Variants in AFTPH observed in about 807,000 individuals in gnomAD.
AFTPH encodes aftiphilin protein.
Under a neutral mutation model 72.5 loss-of-function variants are expected in AFTPH, and 7 were observed. The observed-to-expected ratio is 0.10, with a 90% CI of 0.05 to 0.18. AFTPH has a LOEUF of 0.18. AFTPH is among the 10% of genes least tolerant of loss of function. The pLI is 1.00. For synonymous variants in AFTPH, 337 were observed against 370.1 expected, an observed-to-expected ratio of 0.91 and a Z score of 1.03; for missense variants, 979 against 1,060.5, an observed-to-expected ratio of 0.92 and a Z score of 1.07.
At chr2:64,538,681 A>C (rs1670022119) in intron 1 of AFTPH, among the ~76,000 whole-genome samples, 1 of 152,210 alleles carries the variant, frequency 6.6e-6, no homozygotes, top group Non-Finnish European at 1.5e-5. Context: ...AAACAAATTA[A>C]AGTAAAATTA....
intron 8 of AFTPH, 54 bp downstream of exon 9, chr2:64,585,599 C>A: frequency 1.3e-6 from 2 of 1,544,228 alleles, no homozygotes; most frequent in Non-Finnish European, 1.7e-6. Flanking sequence ...ATAAAACGAC[C>A]CAAAGGAAAA....
exon 2 of AFTPH, chr2:64,553,028 T>C: frequency 6.2e-7 from 1 of 1,614,122 alleles, no homozygotes; most frequent in East Asian, 2.2e-5. Flanking sequence ...GAAAATCTAG[T>C]GGAACAGGCA....
chr2:64,540,470 A>G (rs1670174146), intron 1 of AFTPH, among the ~76,000 whole-genome samples: 1 of 152,184 alleles, frequency 6.6e-6, no homozygotes, highest in Non-Finnish European at 1.5e-5. Context: ...GAAACTATCC[A>G]AATGCAAATA....
At chr2:64,531,909 A>C (rs1300956667) in intron 1 of AFTPH, among the ~76,000 whole-genome samples, 1 of 152,218 alleles carries the variant, frequency 6.6e-6, no homozygotes, top group Non-Finnish European at 1.5e-5. Flanking sequence ...GAAAAAATAT[A>C]AGATTAACTT....
chr2:64,590,013 G>T (rs1466646936), intron 8 of AFTPH, among the ~76,000 whole-genome samples: 2 of 148,766 alleles, frequency 1.3e-5, no homozygotes, highest in East Asian at 2.0e-4. Flanking sequence ...CTCTAAAATT[G>T]ACCTAGTCTT....
At chr2:64,576,077 AC>A (rs1672766825) in intron 6 of AFTPH, among the ~76,000 whole-genome samples, 2 of 36,144 alleles carry the variant, frequency 5.5e-5, no homozygotes, top group Non-Finnish European at 8.5e-5. Context: ...GGCATGCTAC[AC>A]ACACACACAC....
intron 1 of AFTPH, among the ~76,000 whole-genome samples, chr2:64,529,692 T>C (rs1247387403): frequency 6.8e-6 from 1 of 148,138 alleles, no homozygotes; most frequent in Non-Finnish European, 1.5e-5. Context: ...TACAGTGGAG[T>C]GATCATGGCT....
In AFTPH at chr2:64,524,425, A is replaced by T. The variant is rs1208920584; in HGVS notation, c.-220A>T. ...GCGGAAGAGGGCGGAGGGTAGTGGG[A>T]TGGGGGTCCCGCGGCAGCGGTGAAA... On this transcript the variant is annotated 5_prime_UTR_variant, in exon 1 of 9. An upstream start codon of the reference 5' UTR is lost. Coordinates refer to ENST00000238856, the Ensembl canonical transcript of AFTPH. The T allele has an allele frequency of 1.5e-5, 6 of 403,948 alleles. 1 individual carries two copies. Among genetic ancestry groups the T allele is most frequent in the Non-Finnish European group, 2.6e-5 (6 of 229,570 alleles). 25.0% of individuals were successfully genotyped at this position (403,948 alleles called of 1,614,324 possible). A position where few individuals can be genotyped will look rare whatever the true frequency, so the allele number is the denominator to read the frequency against.
chr2:64,559,085 C>T (rs759675435), intron 2 of AFTPH, among the ~76,000 whole-genome samples: 21 of 152,190 alleles, frequency 1.4e-4, no homozygotes, highest in Non-Finnish European at 4.4e-5. Flanking sequence ...ATTCAAGGAC[C>T]TGCTGTCCTT....
chr2:64,590,743 A>C (rs1051428745), intron 8 of AFTPH, among the ~76,000 whole-genome samples: 1 of 152,200 alleles, frequency 6.6e-6, no homozygotes, highest in African/African-American at 2.4e-5. Context: ...TTTAGTCCTA[A>C]AAGTCGTTGG....
intron 1 of AFTPH, among the ~76,000 whole-genome samples, chr2:64,535,633 C>G (rs933275827): frequency 2.0e-5 from 3 of 152,176 alleles, no homozygotes; most frequent in African/African-American, 7.2e-5. Flanking sequence ...TGCACAGTAC[C>G]TATCACATAG....
At chr2:64,575,240 A>C (rs1273581434) in intron 6 of AFTPH, among the ~76,000 whole-genome samples, 1 of 152,218 alleles carries the variant, frequency 6.6e-6, no homozygotes, top group Non-Finnish European at 1.5e-5. Context: ...TGACCTAATG[A>C]AAAACATGTT....
At chr2:64,536,779 A>G (rs1319447303) in intron 1 of AFTPH, among the ~76,000 whole-genome samples, 1 of 151,362 alleles carries the variant, frequency 6.6e-6, no homozygotes, top group African/African-American at 2.4e-5. Context: ...ATGGCGAAAC[A>G]CTGTCTCTAC....
intron 1 of AFTPH, among the ~76,000 whole-genome samples, chr2:64,549,847 A>G (rs966490900): frequency 6.6e-6 from 1 of 152,192 alleles, no homozygotes; most frequent in African/African-American, 2.4e-5. Context: ...AGATGTGTTA[A>G]AATTAAATGT....
intron 7 of AFTPH, among the ~76,000 whole-genome samples, chr2:64,584,374 C>G (rs1434897785): frequency 1.3e-5 from 2 of 151,844 alleles, no homozygotes; most frequent in Non-Finnish European, 2.9e-5. Flanking sequence ...ATAAATCTAA[C>G]CCTCTGAGCT....
intron 6 of AFTPH, among the ~76,000 whole-genome samples, chr2:64,575,368 G>A (rs760704071): frequency 6.6e-6 from 1 of 152,128 alleles, no homozygotes; most frequent in African/African-American, 2.4e-5. Context: ...GCTCATGCCT[G>A]TAATCTCAGC....
chr2:64,555,548 G>A (rs1414065822), intron 2 of AFTPH, among the ~76,000 whole-genome samples: 2 of 143,150 alleles, frequency 1.4e-5, no homozygotes, highest in African/African-American at 5.5e-5. Flanking sequence ...GCTACAGAGA[G>A]AGACTGTCAC....
chr2:64,588,883 C>A (rs1254692567), intron 8 of AFTPH, among the ~76,000 whole-genome samples: 1 of 152,068 alleles, frequency 6.6e-6, no homozygotes, highest in Non-Finnish European at 1.5e-5. Flanking sequence ...CTGTGCCCAG[C>A]CATTTGCCTA....
chr2:64,579,616 C>G, intron 7 of AFTPH, 70 bp downstream of exon 7: 1 of 1,343,780 alleles, frequency 7.4e-7, no homozygotes, highest in South Asian at 1.2e-5. Context: ...AGACAAACTT[C>G]TCTCTGCTGA....
Sources: allele counts gnomAD v4.1 joint callset (sites outside exome capture counted in the v4.1 genomes callset), GRCh38; gene constraint gnomAD v4.1.1; transcripts MANE v1.5; gene names NCBI Gene and HGNC (gene_info 2026-07-23, HGNC 2026-07-21).